SELP: variants seen among roughly 807,000 people sequenced by gnomAD.
SELP encodes the protein selectin P.
Under a neutral mutation model 104.1 loss-of-function variants are expected in SELP, and 92 were observed. That is an observed-to-expected ratio of 0.88 (90% CI 0.75 to 1.05). The LOEUF (loss-of-function observed/expected upper bound fraction) is 1.05, where lower values mean the gene tolerates loss of function less well. Ranked by LOEUF, SELP falls within the 50% of genes least tolerant of loss-of-function variation. The pLI, the probability that SELP is intolerant of heterozygous loss-of-function variation, is 0.00. For missense variants in SELP, 1,022 were observed against 1,017.3 expected, an observed-to-expected ratio of 1.00 and a Z score of -0.06; for synonymous variants, 397 against 364.5, an observed-to-expected ratio of 1.09 and a Z score of -1.01.
Position 169,617,430 on chromosome 1 carries a change from G to C in SELP, c.95-16C>G. 5.0e-6 allele frequency: 8 copies of C among 1,610,486 alleles called. No homozygotes were observed. The highest frequency in any genetic ancestry group is 6.8e-6 in the Non-Finnish European group (8 of 1,177,650). ...TTTGTTAGTTCTAGAGTAAAGGAGA[G>C]TGAGTGCCAGGTTAGTACCCCTCAC... is the stretch of plus-strand genomic sequence containing the variant. On this transcript the variant is annotated splice_polypyrimidine_tract_variant and intron_variant, in intron 2 of 16. Transcript: ENST00000263686.
intron 12 of SELP, among the ~76,000 whole-genome samples, 195 bp from the exon 13 acceptor site, chr1:169,595,072 T>G (rs2101867580): frequency 6.6e-6 from 1 of 152,292 alleles, no homozygotes; most frequent in Non-Finnish European, 1.5e-5. Flanking sequence ...AAGGGTGATA[T>G]CCAAAGAACC....
chr1:169,606,094 A>C (rs903620380), intron 9 of SELP, among the ~76,000 whole-genome samples: 1 of 152,204 alleles, frequency 6.6e-6, no homozygotes, highest in Non-Finnish European at 1.5e-5. Context: ...AGTCAGGCAG[A>C]TCACCTGAGG....
At chr1:169,591,898 A>G (rs886679907) in intron 14 of SELP, among the ~76,000 whole-genome samples, 51 of 152,330 alleles carry the variant, frequency 3.3e-4, no homozygotes, top group African/African-American at 1.2e-3. Flanking sequence ...TTATTTGGCC[A>G]TAGAAAACTT....
At chr1:169,600,387 G>A (rs1028182671) in intron 10 of SELP, among the ~76,000 whole-genome samples, 1 of 152,182 alleles carries the variant, frequency 6.6e-6, no homozygotes, top group Non-Finnish European at 1.5e-5. Context: ...ATGTATGTAG[G>A]TTATATGCAA....
intron 1 of SELP, among the ~76,000 whole-genome samples, chr1:169,627,593 T>C (rs1468421606): frequency 6.6e-6 from 1 of 152,236 alleles, no homozygotes; most frequent in Admixed American, 6.5e-5. Context: ...ATATAATGAA[T>C]GTCATTTATA....
chr1:169,604,624 C>T (rs1053385860), intron 9 of SELP, among the ~76,000 whole-genome samples: 1 of 152,232 alleles, frequency 6.6e-6, no homozygotes, highest in Non-Finnish European at 1.5e-5. Context: ...TCTCTAGCTA[C>T]ATTCCTTTCA....
intron 1 of SELP, among the ~76,000 whole-genome samples, chr1:169,625,502 G>A (rs551247332): frequency 6.6e-6 from 1 of 152,286 alleles, no homozygotes; most frequent in South Asian, 2.1e-4. Context: ...TTGAGCAGGA[G>A]GTCCACAATT....
At chr1:169,613,547 CA>C in intron 4 of SELP, 38 bp downstream of exon 4, 1 of 1,524,426 alleles carries the variant, frequency 6.6e-7, no homozygotes, top group Non-Finnish European at 9.1e-7. Flanking sequence ...TCATCTCTAG[CA>C]TAAAACCAAA....
intron 9 of SELP, among the ~76,000 whole-genome samples, chr1:169,605,793 C>T (rs112772241): frequency 5.3e-4 from 80 of 152,148 alleles, no homozygotes; most frequent in Middle Eastern, 6.8e-3. Context: ...GAGGATATTT[C>T]TTCATTTCTT....
Position 169,596,144 on chromosome 1 carries a change from G to A in SELP, c.1892-10C>T, listed in dbSNP as rs762039011. 1.9e-6 allele frequency: 3 copies of A among 1,612,574 alleles called. No homozygotes were observed. The highest frequency in any genetic ancestry group is 4.5e-5 in the East Asian group (2 of 44,870). On this transcript the variant is annotated splice_polypyrimidine_tract_variant and intron_variant, in intron 11 of 16. Coordinates refer to ENST00000263686, the MANE Select transcript of SELP (RefSeq NM_003005.4). Reference sequence around the variant, plus strand: ...GGAAGTGATGCTATGCCTGTTGTGAGAAAATGTTTCCATTCAGAGACCTCC... The same window carrying A: ...GGAAGTGATGCTATGCCTGTTGTGAAAAAATGTTTCCATTCAGAGACCTCC...
In SELP at chr1:169,593,599, AT is replaced by A. The variant is rs1448418055; in HGVS notation, c.2407+5del. 3.7e-6 allele frequency: 6 copies of A among 1,611,706 alleles called. No homozygotes were observed. Among genetic ancestry groups the A allele is most frequent in the Non-Finnish European group, 5.1e-6 (6 of 1,178,538 alleles). On this transcript the variant is annotated splice_donor_5th_base_variant and intron_variant, in intron 14 of 16. Coordinates refer to ENST00000263686, the MANE Select transcript of SELP (RefSeq NM_003005.4). Reference sequence around the variant, plus strand: ...AGATGCAAAGAGAAGACTCTTTCCTATTTACCTTTTTGTCTGAAACGCTTTC... The same window carrying A: ...AGATGCAAAGAGAAGACTCTTTCCTATTACCTTTTTGTCTGAAACGCTTTC...
Position 169,617,307 on chromosome 1 carries a change from C to A in SELP, c.202G>T (p.Val68Leu). 1 of 1,614,066 alleles carries A rather than the reference C, an allele frequency of 6.2e-7. No homozygotes were observed. Among genetic ancestry groups the A allele is most frequent in the Non-Finnish European group, 8.5e-7 (1 of 1,180,006 alleles). ...ATTTCATTTTTATTCTGGATGGCCA[C>A]TAAGTCTGTGTAGCGATTCTGGCAG... Reference protein sequence around the residue: ...KYCQNRYTDLVAIQNKNEIDY... With the variant: ...KYCQNRYTDLLAIQNKNEIDY... Residue 68 changes from valine to leucine, a missense_variant, in exon 3 of 17, where the codon GTG becomes TTG. Transcript: ENST00000263686.
In SELP at chr1:169,612,232, C is replaced by T; in HGVS notation, c.946G>A (p.Ala316Thr). ...CTASGVWTAP[A>T]PVCKAVQCQH... ...TGAAACTCACCTTTACACACTGGGG[C>T]TGGGGCTGTCCATACCCCCGAGGCT... The change falls in exon 6 of 17, where the codon GCC becomes ACC. Residue 316 changes from alanine to threonine, a missense_variant. By Grantham distance (58) the Ala-to-Thr change is moderately conservative (BLOSUM62 0). Coordinates refer to ENST00000263686, the MANE Select transcript of SELP (RefSeq NM_003005.4). 1 of 1,613,988 alleles carries T rather than the reference C, an allele frequency of 6.2e-7. No homozygotes were observed. The highest frequency in any genetic ancestry group is 8.5e-7 in the Non-Finnish European group (1 of 1,179,960).
At position 169,593,614 on chromosome 1, in the gene SELP, T is replaced by C; in HGVS notation, c.2398A>G (p.Arg800Gly). 2 of 1,612,988 alleles carry C rather than the reference T, an allele frequency of 1.2e-6. No individual in the cohort carries two copies. Among genetic ancestry groups the C allele is most frequent in the East Asian group, 2.2e-5 (1 of 44,862 alleles). ...TLLALLRKRF[R>G]QKDDGKCPLN... The stretch of plus-strand genomic sequence containing the variant: ...ACTCTTTCCTATTTACCTTTTTGTC[T>C]GAAACGCTTTCTTAGCAAAGCCAGG... Residue 800 changes from arginine (R) to glycine (G), a missense_variant, in exon 14 of 17, where the codon AGA becomes GGA. By Grantham distance (125) the Arg-to-Gly change is moderately radical. Coordinates refer to ENST00000263686, the MANE Select transcript of SELP (RefSeq NM_003005.4).
Position 169,609,655 on chromosome 1 carries a change from G to A in SELP, c.1182C>T (p.His394=), listed in dbSNP as rs114686823. 1.4e-4 allele frequency: 223 copies of A among 1,613,810 alleles called. 1 individual carries two copies. In the African/African-American group the frequency reaches 2.4e-3, roughly 17 times the overall value. Residue 394 remains histidine, a synonymous_variant, in exon 8 of 17, where the codon CAC becomes CAT. Transcript: ENST00000263686. Reference sequence around the variant, plus strand: ...AGGATGGAGAGCAATCCATGCTTCCGTGGACAGGACTCTCCAGCGGCTCAC... The same window carrying A: ...AGGATGGAGAGCAATCCATGCTTCCATGGACAGGACTCTCCAGCGGCTCAC... ...ISCEPLESPV[H]GSMDCSPSLR...
rs758569429 is a variant in SELP, at chr1:169,606,950, T to C, written c.1518A>G (p.Gln506=). The change falls in exon 9 of 17, where the codon CAA becomes CAG. Residue 506 remains glutamine, a splice_region_variant and synonymous_variant. Transcript: ENST00000263686. ...GNWNSVPPEC[Q]AIPCTPLLSP... ...ATGTTAGAAAGAATACACTCTTACC[T>C]TGGCATTCTGGAGGAACAGAATTCC... 2.5e-6 allele frequency: 4 copies of C among 1,612,494 alleles called. No individual in the cohort carries two copies. The highest frequency in any genetic ancestry group is 2.5e-6 in the Non-Finnish European group (3 of 1,179,226).
intron 1 of SELP, among the ~76,000 whole-genome samples, chr1:169,621,247 T>TGTG (rs1663116321): frequency 1.6e-5 from 1 of 63,912 alleles, no homozygotes; most frequent in African/African-American, 6.3e-5. Context: ...GTGTGTGTGT[T>TGTG]TGTGTCACAC....
At chr1:169,601,811 A>C (rs76118680) in intron 10 of SELP, among the ~76,000 whole-genome samples, 1 of 152,322 alleles carries the variant, frequency 6.6e-6, no homozygotes, top group Non-Finnish European at 1.5e-5. Context: ...GCATAGTAAT[A>C]ACCAACTTAA....
chr1:169,598,380 T>G (rs1661734670), intron 10 of SELP, among the ~76,000 whole-genome samples: 1 of 152,218 alleles, frequency 6.6e-6, no homozygotes, highest in African/African-American at 2.4e-5. Flanking sequence ...AAGACCTATA[T>G]GCTCCCTCAT....
Sources: allele counts gnomAD v4.1 joint callset (sites outside exome capture counted in the v4.1 genomes callset), GRCh38; gene constraint gnomAD v4.1.1; transcripts MANE v1.5; gene names NCBI Gene and HGNC (gene_info 2026-07-23, HGNC 2026-07-21).